The following PAPSS2 variants were observed in gnomAD, a reference collection of about 807,000 sequenced individuals.
PAPSS2 encodes bifunctional 3'-phosphoadenosine 5'-phosphosulfate synthase 2.
A neutral mutation model predicts 66.5 loss-of-function variants in PAPSS2; 61 were observed. The observed-to-expected ratio is 0.92, with a 90% confidence interval of 0.75 to 1.14. The LOEUF is 1.14. Among genes scored for constraint, PAPSS2 ranks in the 50% most tolerant of loss-of-function variants. The pLI, the probability that PAPSS2 is intolerant of heterozygous loss-of-function variation, is 0.00. For synonymous variants in PAPSS2, 289 were observed against 287.5 expected (o/e 1.01, Z -0.05); for missense variants, 708 against 789.6 (o/e 0.90, Z 1.24).
At chr10:87,705,025 A>T (rs1401118615) in intron 1 of PAPSS2, among the ~76,000 whole-genome samples, 1 of 152,228 alleles carries the variant, frequency 6.6e-6, no homozygotes, top group Non-Finnish European at 1.5e-5. Context: ...TTTAGAATAC[A>T]TTCAGTGAGT....
At chr10:87,696,782 C>T (rs1853240172) in intron 1 of PAPSS2, among the ~76,000 whole-genome samples, 1 of 152,148 alleles carries the variant, frequency 6.6e-6, no homozygotes. Flanking sequence ...TTTAGGTTTT[C>T]GTGATTTTGT....
At chr10:87,706,108 A>ATATATATATATATATATATGTG in intron 1 of PAPSS2, among the ~76,000 whole-genome samples, 2 of 52,000 alleles carry the variant, frequency 3.8e-5, no homozygotes, top group Non-Finnish European at 7.0e-5. Flanking sequence ...ATATATATAT[A>ATATATATATATATATATATGTG]TGTGTGTGTG....
chr10:87,714,819 G>A lies in PAPSS2; in HGVS notation c.595G>A (p.Val199Met). 6.2e-7 allele frequency: 1 copy of A among 1,613,298 alleles called. No homozygotes were observed. Among genetic ancestry groups the A allele is most frequent in the South Asian group, 1.1e-5 (1 of 91,062 alleles). ...ERVLKTNLST[V>M]SDCVHQVVEL... ...TGTGCTTAAAACCAATTTGTCCACA[G>A]TGAGTGACTGTGTCCACCAGGTAGT... Residue 199 changes from valine to methionine, a missense_variant, in exon 5 of 13, where the codon GTG (valine) becomes ATG (methionine). Physicochemically the swap from Val to Met is conservative, Grantham distance 21 (BLOSUM62 1). Transcript: ENST00000456849.
At chr10:87,666,866 G>A (rs986924162) in intron 1 of PAPSS2, among the ~76,000 whole-genome samples, 2 of 151,942 alleles carry the variant, frequency 1.3e-5, no homozygotes, top group Non-Finnish European at 2.9e-5. Flanking sequence ...AGCTCTGGGG[G>A]CTGCTGAAAC....
At chr10:87,660,824 A>AC in intron 1 of PAPSS2, among the ~76,000 whole-genome samples, 1 of 117,820 alleles carries the variant, frequency 8.5e-6, no homozygotes, top group Non-Finnish European at 1.9e-5. Context: ...AAAAAAAAAA[A>AC]AAAAAAAAAA....
At chr10:87,703,537 A>G (rs919384827) in intron 1 of PAPSS2, among the ~76,000 whole-genome samples, 3 of 152,180 alleles carry the variant, frequency 2.0e-5, no homozygotes, top group Admixed American at 6.5e-5. Flanking sequence ...TTTTATCTAG[A>G]TAATTCTTAT....
At chr10:87,707,651 C>T (rs1200614492) in intron 1 of PAPSS2, among the ~76,000 whole-genome samples, 4 of 145,448 alleles carry the variant, frequency 2.8e-5, no homozygotes, top group Non-Finnish European at 5.9e-5. Flanking sequence ...CTCACTGCAG[C>T]CTTGGCCTCC....
intron 1 of PAPSS2, among the ~76,000 whole-genome samples, chr10:87,692,430 C>T (rs1283096394): frequency 6.6e-6 from 1 of 151,864 alleles, no homozygotes; most frequent in Non-Finnish European, 1.5e-5. Flanking sequence ...GCTATGGATC[C>T]CTGACCCTAA....
intron 1 of PAPSS2, among the ~76,000 whole-genome samples, chr10:87,703,365 A>G (rs998490686): frequency 6.6e-6 from 1 of 151,608 alleles, no homozygotes; most frequent in Non-Finnish European, 1.5e-5. Flanking sequence ...TGAGTGCCAC[A>G]TCCTCCCCAG....
At chr10:87,713,434 C>T (rs182268866) in intron 3 of PAPSS2, 124 bp downstream of exon 3, 14 of 665,240 alleles carry the variant, frequency 2.1e-5, no homozygotes, top group South Asian at 8.7e-5. Flanking sequence ...TTCAATTTCC[C>T]GACTATTTCT....
intron 2 of PAPSS2, among the ~76,000 whole-genome samples, chr10:87,710,184 G>T (rs887360666): frequency 6.6e-6 from 1 of 152,188 alleles, no homozygotes; most frequent in African/African-American, 2.4e-5. Context: ...AATCTGGCAG[G>T]TGGGGACCTG....
rs773388214 is a variant in PAPSS2 at position 87,714,036 on chromosome 10, C to T, written c.382-8C>T. 6.2e-7 allele frequency: 1 copy of T among 1,613,714 alleles called. No individual in the cohort carries two copies. Among genetic ancestry groups the T allele is most frequent in the Non-Finnish European group, 8.5e-7 (1 of 1,179,690 alleles). On this transcript the variant is annotated splice_region_variant and splice_polypyrimidine_tract_variant and intron_variant, in intron 3 of 12. Coordinates refer to ENST00000456849, the MANE Select transcript of PAPSS2 (RefSeq NM_001015880.2). ...TCTTTTTACATTCTTAATCATATTG[C>T]TTTTCAGGATCGTGAGAATGCCCGC... is the stretch of plus-strand genomic sequence containing the variant.
rs186618519 is a variant in PAPSS2, at chr10:87,677,119, G to A, written c.27+17111G>A. 2.3e-4 allele frequency among the ~76,000 whole-genome samples: 35 copies of A among 152,076 alleles called. 1 individual carries two copies. The East Asian group carries it at 6.2e-3, about 27-fold the overall frequency. ...TGAGGCAGGAAAATTGCTTGAACCC[G>A]GGAGGCAGAGGCTGCAGTGAGCTGA... On this transcript the variant is annotated intron_variant, in intron 1 of 12. Transcript: ENST00000456849.
intron 11 of PAPSS2, 103 bp downstream of exon 11, chr10:87,743,744 G>C: frequency 7.6e-7 from 1 of 1,319,560 alleles, no homozygotes. Flanking sequence ...TTCCTCATGA[G>C]CAGATTCTGG....
intron 1 of PAPSS2, among the ~76,000 whole-genome samples, chr10:87,685,276 C>T (rs4323793): frequency 6.6e-6 from 1 of 152,286 alleles, no homozygotes; most frequent in South Asian, 2.1e-4. Context: ...ATGAGGAAAC[C>T]TGAGGACTAC....
At chr10:87,668,376 T>C (rs1253937264) in intron 1 of PAPSS2, among the ~76,000 whole-genome samples, 3 of 152,234 alleles carry the variant, frequency 2.0e-5, no homozygotes, top group Non-Finnish European at 2.9e-5. Context: ...AGGATCTCTA[T>C]TTGTCATAAT....
chr10:87,731,908 A>T (rs149057365), intron 9 of PAPSS2, among the ~76,000 whole-genome samples: 10 of 152,316 alleles, frequency 6.6e-5, no homozygotes, highest in African/African-American at 2.4e-4. Context: ...ATGGCAACAA[A>T]GTATTCAGAA....
intron 1 of PAPSS2, among the ~76,000 whole-genome samples, chr10:87,701,364 CTT>C (rs1301666414): frequency 1.6e-4 from 16 of 99,698 alleles, no homozygotes; most frequent in Admixed American, 7.5e-4. Context: ...TTCTTTCTTT[CTT>C]TCTTTCTTTC....
chr10:87,704,921 C>T (rs538051655), intron 1 of PAPSS2, among the ~76,000 whole-genome samples: 3 of 152,316 alleles, frequency 2.0e-5, no homozygotes, highest in South Asian at 4.2e-4. Flanking sequence ...GGATTACAGG[C>T]GAGAACCACC....
Sources: allele counts gnomAD v4.1 joint callset (sites outside exome capture counted in the v4.1 genomes callset), GRCh38; gene constraint gnomAD v4.1.1; transcripts MANE v1.5; gene names NCBI Gene and HGNC (gene_info 2026-07-23, HGNC 2026-07-21).